The following NXPH1 variants were observed in gnomAD, a reference collection of about 807,000 sequenced individuals.
NXPH1 encodes the protein neurexophilin 1, also known as neurexophilin-1.
NXPH1 carries 5 observed loss-of-function variants against 23.7 expected under a neutral mutation model. The observed-to-expected ratio is 0.21, with a 90% CI of 0.11 to 0.44. The LOEUF (loss-of-function observed/expected upper bound fraction) is 0.44. NXPH1 is among the 20% of genes least tolerant of loss of function. The pLI is 0.99. For synonymous variants in NXPH1, 144 were observed against 122.2 expected (o/e 1.18, Z -1.18); for missense variants, 324 against 321.6 (o/e 1.01, Z -0.06).
At chr7:8,626,557 C>G (rs1462820270) in intron 2 of NXPH1, among the ~76,000 whole-genome samples, 1 of 151,896 alleles carries the variant, frequency 6.6e-6, no homozygotes, top group Admixed American at 6.6e-5. Context: ...CTTACAATGA[C>G]TGATAAGAGA....
chr7:8,741,763 C>T (rs909373332), intron 2 of NXPH1, among the ~76,000 whole-genome samples: 2 of 152,052 alleles, frequency 1.3e-5, no homozygotes. Context: ...CTCTGAGTGC[C>T]ATGTGTCCCC....
intron 2 of NXPH1, among the ~76,000 whole-genome samples, chr7:8,439,366 G>GC (rs1466097650): frequency 6.6e-6 from 1 of 152,156 alleles, no homozygotes; most frequent in Non-Finnish European, 1.5e-5. Context: ...ACAGGGTGTG[G>GC]CATTCTGTTT....
At chr7:8,674,514 C>T (rs1239650065) in intron 2 of NXPH1, among the ~76,000 whole-genome samples, 3 of 152,086 alleles carry the variant, frequency 2.0e-5, no homozygotes, top group South Asian at 2.1e-4. Context: ...TGGGTGCATT[C>T]GTATGGAGAG....
At chr7:8,601,717 G>A (rs1233466985) in intron 2 of NXPH1, among the ~76,000 whole-genome samples, 2 of 152,150 alleles carry the variant, frequency 1.3e-5, no homozygotes, top group East Asian at 1.9e-4. Context: ...CTGTGACCTT[G>A]TGCTTATTTA....
chr7:8,611,186 C>T (rs1287741829), intron 2 of NXPH1, among the ~76,000 whole-genome samples: 1 of 152,010 alleles, frequency 6.6e-6, no homozygotes, highest in Non-Finnish European at 1.5e-5. Flanking sequence ...TGATACATGC[C>T]ATGATCAAAT....
intron 2 of NXPH1, among the ~76,000 whole-genome samples, chr7:8,684,724 T>A (rs1389877589): frequency 6.6e-6 from 1 of 152,220 alleles, no homozygotes; most frequent in African/African-American, 2.4e-5. Context: ...AAATTTCAAG[T>A]CATTTCCTTC....
chr7:8,484,946 T>C (rs757233332), intron 2 of NXPH1, among the ~76,000 whole-genome samples: 1 of 152,206 alleles, frequency 6.6e-6, no homozygotes, highest in Non-Finnish European at 1.5e-5. Context: ...GTCTGGAGCA[T>C]ATTTGTTAGG....
chr7:8,735,980 T>A, intron 2 of NXPH1, among the ~76,000 whole-genome samples: 1 of 152,330 alleles, frequency 6.6e-6, no homozygotes, highest in South Asian at 2.1e-4. Context: ...TCAGTGGTGA[T>A]ATCCCCTTTA....
intron 2 of NXPH1, among the ~76,000 whole-genome samples, chr7:8,488,825 T>C (rs1476862393): frequency 6.6e-6 from 1 of 152,166 alleles, no homozygotes; most frequent in Non-Finnish European, 1.5e-5. Flanking sequence ...GTACAGTTTC[T>C]GGAAGATAGT....
At chr7:8,663,384 T>C (rs1820710266) in intron 2 of NXPH1, among the ~76,000 whole-genome samples, 1 of 152,120 alleles carries the variant, frequency 6.6e-6, no homozygotes, top group African/African-American at 2.4e-5. Flanking sequence ...ATCCATCTGA[T>C]TTACAGTTTT....
intron 2 of NXPH1, among the ~76,000 whole-genome samples, chr7:8,615,880 C>A (rs550890840): frequency 6.6e-6 from 1 of 152,180 alleles, no homozygotes; most frequent in African/African-American, 2.4e-5. Flanking sequence ...ATTGGAAAGA[C>A]TTCTCAGAAA....
At chr7:8,457,542 GT>G (rs34212357) in intron 2 of NXPH1, among the ~76,000 whole-genome samples, 32 of 145,744 alleles carry the variant, frequency 2.2e-4, no homozygotes, top group East Asian at 1.0e-3. Context: ...CTAATTCTTA[GT>G]TTTTTTTTTT....
chr7:8,535,281 C>T (rs1479253805), intron 2 of NXPH1, among the ~76,000 whole-genome samples: 1 of 151,994 alleles, frequency 6.6e-6, no homozygotes, highest in Non-Finnish European at 1.5e-5. Flanking sequence ...AGGAAACAAT[C>T]AGTGGAAATA....
intron 2 of NXPH1, among the ~76,000 whole-genome samples, chr7:8,564,211 CTGTT>C (rs1818500470): frequency 6.6e-6 from 1 of 151,770 alleles, no homozygotes; most frequent in African/African-American, 2.4e-5. Context: ...TTTTCATTGT[CTGTT>C]TGCCATCCTA....
At chr7:8,575,076 T>C (rs779434006) in intron 2 of NXPH1, among the ~76,000 whole-genome samples, 1 of 152,166 alleles carries the variant, frequency 6.6e-6, no homozygotes, top group Non-Finnish European at 1.5e-5. Flanking sequence ...GACTCTGACA[T>C]TAATGCTGTA....
intron 2 of NXPH1, among the ~76,000 whole-genome samples, chr7:8,633,434 C>G (rs1042073830): frequency 1.3e-5 from 2 of 152,172 alleles, no homozygotes; most frequent in African/African-American, 4.8e-5. Flanking sequence ...AAAAGACATC[C>G]TTGTTGATGA....
At chr7:8,680,906 C>T (rs1012250956) in intron 2 of NXPH1, among the ~76,000 whole-genome samples, 2 of 152,218 alleles carry the variant, frequency 1.3e-5, no homozygotes, top group Non-Finnish European at 2.9e-5. Context: ...AAAAGGATCA[C>T]ATGACCTAAA....
intron 2 of NXPH1, among the ~76,000 whole-genome samples, chr7:8,451,841 T>C (rs1189780784): frequency 6.6e-6 from 1 of 152,236 alleles, no homozygotes; most frequent in African/African-American, 2.4e-5. Context: ...GATTGCTGCA[T>C]AGGCAAGAAG....
chr7:8,719,940 A>G (rs893856567), intron 2 of NXPH1, among the ~76,000 whole-genome samples: 2 of 152,322 alleles, frequency 1.3e-5, no homozygotes, highest in South Asian at 2.1e-4. Context: ...TCTCTAAATT[A>G]GAATAAGAAA....
Sources: allele counts gnomAD v4.1 joint callset (sites outside exome capture counted in the v4.1 genomes callset), GRCh38; gene constraint gnomAD v4.1.1; transcripts MANE v1.5; gene names NCBI Gene and HGNC (gene_info 2026-07-23, HGNC 2026-07-21).